Variants in SLC9A7 observed in about 807,000 individuals in gnomAD.
The protein encoded by SLC9A7 is solute carrier family 9 member A7.
Under a neutral mutation model 52.6 loss-of-function variants are expected in SLC9A7, and 19 were observed. That is an observed-to-expected ratio of 0.36 (90% confidence interval 0.25 to 0.53). SLC9A7 has a LOEUF of 0.53. Among genes scored for constraint, SLC9A7 ranks in the 20% least tolerant of loss-of-function variants. The pLI, the probability that SLC9A7 is intolerant of heterozygous loss-of-function variation, is 0.91. For missense variants in SLC9A7, 455 were observed against 597.9 expected (o/e 0.76, Z 2.49); for synonymous variants, 226 against 252.1 (o/e 0.90, Z 0.98).
At position 46,604,241 on chromosome X, in the gene SLC9A7, GCT is replaced by G. The variant is rs1244090823; in HGVS notation, c.*2709_*2710del. 1.8e-5 allele frequency: 2 copies of G among 111,871 alleles called. No individual in the cohort carries two copies. Among genetic ancestry groups the G allele is most frequent in the Admixed American group, 1.9e-4 (2 of 10,570 alleles). 9.2% of individuals were successfully genotyped at this position (111,871 alleles called of 1,213,427 possible). On this transcript the variant is annotated 3_prime_UTR_variant, in exon 17 of 17. Coordinates refer to ENST00000616978, the MANE Select transcript of SLC9A7 (RefSeq NM_001257291.2). ...AACTTCCCTTCCAGGGGCTATGAAA[GCT>G]CTTTCTCTGGCTGTGGGGTGTAGGT... is the stretch of plus-strand genomic sequence containing the variant.
intron 1 of SLC9A7, among the ~76,000 whole-genome samples, chrX:46,718,812 G>T (rs182582353): frequency 1.8e-3 from 200 of 112,092 alleles, no homozygotes; most frequent in African/African-American, 6.2e-3. Flanking sequence ...TGCTGGAGAG[G>T]ATGTGGAGAA....
intron 1 of SLC9A7, among the ~76,000 whole-genome samples, chrX:46,720,826 T>C (rs1274601123): frequency 1.8e-5 from 2 of 111,525 alleles, no homozygotes; most frequent in African/African-American, 6.5e-5. Flanking sequence ...TCCAAATAAC[T>C]CCTGAAGATC....
At chrX:46,719,866 G>C (rs897722560) in intron 1 of SLC9A7, among the ~76,000 whole-genome samples, 1 of 111,599 alleles carries the variant, frequency 9.0e-6, no homozygotes, top group Non-Finnish European at 1.9e-5. Context: ...GGTTCTATAA[G>C]GGCAATTCCA....
intron 4 of SLC9A7, among the ~76,000 whole-genome samples, chrX:46,671,515 C>T (rs775590720): frequency 5.4e-5 from 6 of 110,576 alleles, no homozygotes; most frequent in Middle Eastern, 4.6e-3. Flanking sequence ...GTGATCTGCC[C>T]GCCTCGGCCT....
intron 16 of SLC9A7, among the ~76,000 whole-genome samples, chrX:46,608,325 T>C (rs769407197): frequency 9.7e-5 from 11 of 112,887 alleles, no homozygotes; most frequent in African/African-American, 3.5e-4. Flanking sequence ...CTTATTTCTG[T>C]GCACTCACTG....
chrX:46,753,784 C>T (rs781802136), intron 1 of SLC9A7, among the ~76,000 whole-genome samples: 1 of 110,103 alleles, frequency 9.1e-6, no homozygotes, highest in South Asian at 3.9e-4. Context: ...GAGACTGAGA[C>T]CATCCTGGCT....
chrX:46,722,526 T>C (rs1329189414), intron 1 of SLC9A7, among the ~76,000 whole-genome samples: 2 of 112,527 alleles, frequency 1.8e-5, no homozygotes, highest in African/African-American at 6.5e-5. Flanking sequence ...TTGTAAAAAC[T>C]AAAATTCCAC....
At chrX:46,738,027 AAAAAAAAGAAAGAAAGAAAGAAAGAAAG>A (rs1569525215) in intron 1 of SLC9A7, among the ~76,000 whole-genome samples, 4 of 88,107 alleles carry the variant, frequency 4.5e-5, no homozygotes, top group African/African-American at 1.9e-4. Flanking sequence ...ACCCTGTCTC[AAAAAAAAGAAAGAAAGAAAGAAAGAAAG>A]AAAGAAAGAA....
chrX:46,737,350 C>T (rs1247496599), intron 1 of SLC9A7, among the ~76,000 whole-genome samples: 5 of 111,864 alleles, frequency 4.5e-5, no homozygotes, highest in Non-Finnish European at 1.9e-5. Context: ...TTACAAATTT[C>T]TGGTTTAATC....
intron 1 of SLC9A7, among the ~76,000 whole-genome samples, chrX:46,730,673 TATATATATATATA>T (rs1569524447): frequency 4.9e-4 from 8 of 16,283 alleles, no homozygotes; most frequent in African/African-American, 1.3e-3. Flanking sequence ...AAAAAAATTA[TATATATATATATA>T]TATATATATA....
intron 13 of SLC9A7, among the ~76,000 whole-genome samples, chrX:46,633,358 A>T (rs1404275416): frequency 2.2e-5 from 2 of 91,771 alleles, no homozygotes; most frequent in African/African-American, 8.0e-5. Context: ...AAAAAAAAAA[A>T]AAAAAAAAAA....
intron 1 of SLC9A7, among the ~76,000 whole-genome samples, chrX:46,706,349 T>G (rs1407388159): frequency 9.4e-6 from 1 of 106,918 alleles, no homozygotes; most frequent in East Asian, 3.0e-4. Context: ...CTGGAAGGTA[T>G]AGATGTAATA....
At chrX:46,732,926 CA>C in intron 1 of SLC9A7, among the ~76,000 whole-genome samples, 1 of 112,216 alleles carries the variant, frequency 8.9e-6, no homozygotes, top group South Asian at 3.7e-4. Context: ...ACCAATATGG[CA>C]AAATCTCTAG....
intron 7 of SLC9A7, among the ~76,000 whole-genome samples, chrX:46,655,872 A>G (rs1327946379): frequency 8.9e-6 from 1 of 112,802 alleles, no homozygotes; most frequent in African/African-American, 3.2e-5. Context: ...AGCCCACCAC[A>G]GCTCAAGGAG....
intron 14 of SLC9A7, among the ~76,000 whole-genome samples, chrX:46,626,537 A>G (rs762049395): frequency 8.9e-6 from 1 of 112,580 alleles, no homozygotes; most frequent in South Asian, 3.7e-4. Context: ...GGCCTCCCGA[A>G]GTGCTGGGAT....
At chrX:46,679,799 C>A in intron 2 of SLC9A7, 44 bp from the exon 3 acceptor site, 5 of 810,423 alleles carry the variant, frequency 6.2e-6, no homozygotes, top group Non-Finnish European at 3.6e-6. Context: ...TTATTTAACT[C>A]CAATTCATGC....
At chrX:46,738,029 A>AG (rs1166506615) in intron 1 of SLC9A7, among the ~76,000 whole-genome samples, 1 of 87,408 alleles carries the variant, frequency 1.1e-5, no homozygotes, top group African/African-American at 4.7e-5. Context: ...CCTGTCTCAA[A>AG]AAAAAGAAAG....
chrX:46,709,318 G>T (rs1162894477), intron 1 of SLC9A7, among the ~76,000 whole-genome samples: 1 of 110,689 alleles, frequency 9.0e-6, no homozygotes, highest in Non-Finnish European at 1.9e-5. Context: ...GAAGTGGGAG[G>T]ATTGCTTGAA....
At chrX:46,646,078 T>G (rs767776464) in intron 11 of SLC9A7, among the ~76,000 whole-genome samples, 3 of 111,806 alleles carry the variant, frequency 2.7e-5, no homozygotes, top group Non-Finnish European at 5.6e-5. Flanking sequence ...GAAACTGTTT[T>G]TTTTTGTTTT....
Sources: allele counts gnomAD v4.1 joint callset (sites outside exome capture counted in the v4.1 genomes callset), GRCh38; gene constraint gnomAD v4.1.1; transcripts MANE v1.5; gene names NCBI Gene and HGNC (gene_info 2026-07-23, HGNC 2026-07-21).